Variants in MEI4 observed in about 807,000 individuals in gnomAD.
MEI4 encodes meiotic double-stranded break formation protein 4, also known as meiosis-specific protein MEI4.
In MEI4, 27 loss-of-function variants were observed where a neutral mutation model predicts 31.4. That is an observed-to-expected ratio of 0.86 (90% CI 0.63 to 1.19). MEI4 has a LOEUF of 1.19. MEI4 is among the 50% of genes most tolerant of loss of function. The probability of loss-of-function intolerance (pLI) is 0.00; values close to 1 mark genes in which losing one functional copy is unlikely to be tolerated. For missense variants in MEI4, 329 were observed against 398.9 expected (o/e 0.82, Z 1.49); for synonymous variants, 122 against 145.4 (o/e 0.84, Z 1.16).
chr6:77,747,187 C>T (rs1208758413), intron 2 of MEI4, among the ~76,000 whole-genome samples: 2 of 152,038 alleles, frequency 1.3e-5, no homozygotes, highest in Non-Finnish European at 2.9e-5. Flanking sequence ...TGGCACACAC[C>T]TGTAATCCCA....
chr6:77,923,277 G>A lies in MEI4; in HGVS notation c.1089G>A (p.Leu363=), dbSNP rs560866074. 8.1e-7 allele frequency: 1 copy of A among 1,230,144 alleles called. No homozygotes were observed. The highest frequency in any genetic ancestry group is 4.2e-5 in the Admixed American group (1 of 23,572). The allele number at this position is 1,230,144 out of a possible 1,614,324, so 76.2% of individuals were successfully genotyped here. Residue 363 remains leucine, a synonymous_variant, in exon 5 of 5, where the codon TTG becomes TTA. Transcript: ENST00000684080. ...TIFQLSDAFP[L]FTFYLWRVGI... is the part of the protein sequence containing the mutation. ...TCCAACTTTCTGATGCATTTCCTTT[G>A]TTTACTTTTTATTTATGGAGAGTGG...
rs148522296 is a variant in MEI4, at chr6:77,686,094, A to G, written c.-14-4564A>G. Among the ~76,000 whole-genome samples the G allele has an allele frequency of 1.4e-3, 214 of 152,162 alleles. 1 individual carries two copies. The highest frequency in any genetic ancestry group is 4.5e-3 in the African/African-American group (188 of 41,504). On this transcript the variant is annotated intron_variant, in intron 1 of 4. Transcript: ENST00000684080. The stretch of plus-strand genomic sequence containing the variant: ...TTCTTGCTTTTTCTTATCATGTGAC[A>G]CACTAGCTCCCTGTGCCTTCTACCA...
At chr6:77,677,569 T>G (rs548603926) in intron 1 of MEI4, among the ~76,000 whole-genome samples, 170 of 152,312 alleles carry the variant, frequency 1.1e-3, no homozygotes, top group Middle Eastern at 3.4e-3. Flanking sequence ...ATTGTCCTGT[T>G]TGGACCTTTC....
chr6:77,831,351 A>G (rs1582193147), intron 4 of MEI4, among the ~76,000 whole-genome samples: 2 of 152,008 alleles, frequency 1.3e-5, no homozygotes, highest in Admixed American at 1.3e-4. Context: ...GACATTCCTC[A>G]AAAATCTAAA....
At chr6:77,796,621 C>CA (rs1048511800) in intron 3 of MEI4, among the ~76,000 whole-genome samples, 1 of 152,014 alleles carries the variant, frequency 6.6e-6, no homozygotes, top group African/African-American at 2.4e-5. Flanking sequence ...ATAATAGCAT[C>CA]AAAAATAGGA....
At position 77,923,587 on chromosome 6, in the gene MEI4, C is replaced by CT; in HGVS notation, c.*243dup. 3.6e-6 allele frequency: 1 copy of CT among 275,224 alleles called. No homozygotes were observed. Among genetic ancestry groups the CT allele is most frequent in the Non-Finnish European group, 6.7e-6 (1 of 149,748 alleles). 17.0% of individuals were successfully genotyped at this position (275,224 alleles called of 1,614,324 possible). On this transcript the variant is annotated 3_prime_UTR_variant, in exon 5 of 5. Coordinates refer to ENST00000684080, the MANE Select transcript of MEI4 (RefSeq NM_001322247.2). Reference sequence around the variant, plus strand: ...CATCCTTATTCCCATGTAACTGTATCTTATTTCACTCAATATAGTTTAGCT... The same window carrying CT: ...CATCCTTATTCCCATGTAACTGTATCTTTATTTCACTCAATATAGTTTAGCT...
At chr6:77,744,465 T>G (rs894711105) in intron 2 of MEI4, among the ~76,000 whole-genome samples, 1 of 151,570 alleles carries the variant, frequency 6.6e-6, no homozygotes, top group Non-Finnish European at 1.5e-5. Flanking sequence ...AATATGGGAC[T>G]ATGCGAAAAG....
chr6:77,769,204 G>T (rs2127685839), intron 3 of MEI4, among the ~76,000 whole-genome samples: 1 of 152,308 alleles, frequency 6.6e-6, no homozygotes, highest in African/African-American at 2.4e-5. Flanking sequence ...GGGGTAGAGA[G>T]AACATACTGA....
intron 4 of MEI4, among the ~76,000 whole-genome samples, chr6:77,904,395 A>G (rs2127736222): frequency 6.6e-6 from 1 of 152,160 alleles, no homozygotes; most frequent in Admixed American, 6.6e-5. Flanking sequence ...GGTGTACAGA[A>G]TATTTTTTCA....
chr6:77,863,599 C>T (rs1043338966), intron 4 of MEI4, among the ~76,000 whole-genome samples: 4 of 152,268 alleles, frequency 2.6e-5, no homozygotes, highest in Middle Eastern at 3.4e-3. Flanking sequence ...ACCAAATCTA[C>T]GTCTGATTGG....
chr6:77,873,529 G>A (rs1465130283), intron 4 of MEI4, among the ~76,000 whole-genome samples: 10 of 152,120 alleles, frequency 6.6e-5, no homozygotes, highest in Non-Finnish European at 1.2e-4. Context: ...AGTACGTTGC[G>A]AAAATTTTCT....
intron 2 of MEI4, among the ~76,000 whole-genome samples, chr6:77,693,843 A>T (rs1769205738): frequency 1.3e-5 from 2 of 152,112 alleles, no homozygotes; most frequent in South Asian, 4.1e-4. Context: ...GTGTATTTAT[A>T]TTATTACATA....
chr6:77,898,371 G>A (rs990939356), intron 4 of MEI4, among the ~76,000 whole-genome samples: 1 of 151,992 alleles, frequency 6.6e-6, no homozygotes, highest in Non-Finnish European at 1.5e-5. Flanking sequence ...GTACCATGTT[G>A]AATGCATTCT....
chr6:77,828,511 T>C (rs1770007492), intron 3 of MEI4, among the ~76,000 whole-genome samples: 1 of 152,026 alleles, frequency 6.6e-6, no homozygotes. Context: ...CCTGCCCCCC[T>C]TCCATGGAAA....
intron 3 of MEI4, among the ~76,000 whole-genome samples, chr6:77,801,397 G>C (rs1769253412): frequency 6.6e-6 from 1 of 152,006 alleles, no homozygotes; most frequent in Admixed American, 6.5e-5. Flanking sequence ...TTTTAGTCTT[G>C]CTAGCAGTCT....
At chr6:77,666,112 G>T (rs1768626897) in intron 1 of MEI4, among the ~76,000 whole-genome samples, 1 of 152,198 alleles carries the variant, frequency 6.6e-6, no homozygotes, top group South Asian at 2.1e-4. Context: ...AGCGAAGGGT[G>T]GTGGATTATC....
chr6:77,768,055 G>A (rs1218860034), intron 3 of MEI4, among the ~76,000 whole-genome samples: 4 of 152,260 alleles, frequency 2.6e-5, no homozygotes, highest in Non-Finnish European at 5.9e-5. Context: ...CAACAACTCT[G>A]TGTCATGGTT....
intron 4 of MEI4, among the ~76,000 whole-genome samples, chr6:77,841,333 A>ATATATATATT: frequency 6.9e-4 from 19 of 27,734 alleles, no homozygotes; most frequent in African/African-American, 1.3e-3. Flanking sequence ...ATATATATAT[A>ATATATATATT]TTTTTTTTTT....
intron 3 of MEI4, among the ~76,000 whole-genome samples, chr6:77,815,925 T>C (rs1245643603): frequency 6.6e-6 from 1 of 151,920 alleles, no homozygotes. Context: ...AAAACTTCTT[T>C]GCAGGGTGCT....
Sources: gnomAD v4.1 joint callset for allele counts (sites outside exome capture counted in the v4.1 genomes callset) on GRCh38, gnomAD v4.1.1 for gene constraint, MANE v1.5 for transcripts, NCBI Gene and HGNC (gene_info 2026-07-23, HGNC 2026-07-21) for gene names.